The following REDIC1 variants were observed in gnomAD, a reference collection of about 807,000 sequenced individuals.
The protein encoded by REDIC1 is HEI10 Interacting Protein 1.
At chr12:39,816,380 T>A in the REDIC1 span, among the ~76,000 whole-genome samples, 2 of 129,264 alleles carry the variant, frequency 1.5e-5, no homozygotes, top group South Asian at 4.8e-4. Context: ...AATTGAACAA[T>A]GAGAACACTT....
chr12:39,879,056 AG>A, the REDIC1 span, among the ~76,000 whole-genome samples: 1 of 152,288 alleles, frequency 6.6e-6, no homozygotes, highest in Non-Finnish European at 1.5e-5. Context: ...CCACAGCTCC[AG>A]AAGGTGCAAG....
At chr12:39,838,457 A>T in the REDIC1 span, among the ~76,000 whole-genome samples, 2 of 150,390 alleles carry the variant, frequency 1.3e-5, no homozygotes, top group African/African-American at 4.9e-5. Context: ...TAACCTGCAC[A>T]ATGTGCACAT....
chr12:39,697,315 AAGCTGAG>A, the REDIC1 span, among the ~76,000 whole-genome samples: 25 of 152,342 alleles, frequency 1.6e-4, 1 homozygote, highest in East Asian at 2.1e-3. Context: ...AGACAAACAA[AAGCTGAG>A]GGATTATCAA....
the REDIC1 span, among the ~76,000 whole-genome samples, chr12:39,732,961 T>C: frequency 6.6e-6 from 1 of 151,966 alleles, no homozygotes; most frequent in Non-Finnish European, 1.5e-5. Context: ...CTCCAAGAAG[T>C]CTTCATTTTT....
the REDIC1 span, among the ~76,000 whole-genome samples, chr12:39,879,784 A>G: frequency 2.0e-5 from 3 of 152,156 alleles, no homozygotes; most frequent in African/African-American, 7.2e-5. Flanking sequence ...TAAGACTTTG[A>G]GGGACCATTG....
chr12:39,895,026 C>G, the REDIC1 span, among the ~76,000 whole-genome samples: 2 of 152,108 alleles, frequency 1.3e-5, no homozygotes, highest in Non-Finnish European at 2.9e-5. Context: ...AGAATCATAA[C>G]CAACGGCAGT....
chr12:39,743,684 T>TGAA, the REDIC1 span, among the ~76,000 whole-genome samples: 1 of 152,110 alleles, frequency 6.6e-6, no homozygotes, highest in Non-Finnish European at 1.5e-5. Context: ...CTAACAGAAA[T>TGAA]GAAGAATGCC....
the REDIC1 span, among the ~76,000 whole-genome samples, chr12:39,896,587 T>C: frequency 6.6e-6 from 1 of 151,228 alleles, no homozygotes; most frequent in African/African-American, 2.4e-5. Flanking sequence ...TGTGTATATA[T>C]GTATACATAT....
chr12:39,711,811 G>A, the REDIC1 span, among the ~76,000 whole-genome samples: 1 of 83,716 alleles, frequency 1.2e-5, no homozygotes, highest in Admixed American at 1.2e-4. Flanking sequence ...GCATGTGTAT[G>A]TGTGTACACA....
the REDIC1 span, among the ~76,000 whole-genome samples, chr12:39,665,451 T>C: frequency 6.6e-6 from 1 of 150,838 alleles, no homozygotes; most frequent in Non-Finnish European, 1.5e-5. Flanking sequence ...TTGGTACCAG[T>C]ACCATGCTGT....
chr12:39,686,213 T>C, the REDIC1 span, among the ~76,000 whole-genome samples: 1 of 152,182 alleles, frequency 6.6e-6, no homozygotes, highest in East Asian at 1.9e-4. Context: ...CTGTGGGGGC[T>C]CCAATTCCAC....
the REDIC1 span, among the ~76,000 whole-genome samples, chr12:39,654,519 C>T: frequency 2.0e-4 from 31 of 151,348 alleles, no homozygotes; most frequent in African/African-American, 5.1e-4. Flanking sequence ...ACCCGGCAGG[C>T]GGAGCTTGCA....
At chr12:39,759,748 C>A in the REDIC1 span, 1 of 357,420 alleles carries the variant, frequency 2.8e-6, no homozygotes, top group Non-Finnish European at 5.1e-6. Context: ...TCACTGGGTA[C>A]AATATTCATT....
the REDIC1 span, among the ~76,000 whole-genome samples, chr12:39,798,895 A>T: frequency 6.6e-6 from 1 of 151,774 alleles, no homozygotes; most frequent in East Asian, 1.9e-4. Flanking sequence ...TAATTTTATG[A>T]AATAATACAA....
chr12:39,683,119 C>T, the REDIC1 span: 7 of 1,599,574 alleles, frequency 4.4e-6, no homozygotes, highest in Non-Finnish European at 6.0e-6. Flanking sequence ...CGATTACTAC[C>T]CAAGCAGCTC....
the REDIC1 span, chr12:39,643,725 T>G: frequency 8.1e-7 from 1 of 1,232,680 alleles, no homozygotes; most frequent in Non-Finnish European, 1.1e-6. Context: ...TTATTTATAA[T>G]TCTGTCTAAA....
At chr12:39,775,841 T>G in the REDIC1 span, among the ~76,000 whole-genome samples, 4 of 152,340 alleles carry the variant, frequency 2.6e-5, no homozygotes, top group South Asian at 2.1e-4. Context: ...AGACCAGAAG[T>G]GTTTCAGATT....
chr12:39,681,810 A>G, the REDIC1 span, among the ~76,000 whole-genome samples: 1 of 152,190 alleles, frequency 6.6e-6, no homozygotes, highest in African/African-American at 2.4e-5. Flanking sequence ...TTTGATAAAT[A>G]ATTTAAAAAT....
chr12:39,627,289 A>G, the REDIC1 span, among the ~76,000 whole-genome samples: 2 of 152,234 alleles, frequency 1.3e-5, no homozygotes, highest in African/African-American at 4.8e-5. Flanking sequence ...ACTTCTGGCT[A>G]GTGTTCTGGC....
Sources: allele counts gnomAD v4.1 joint callset (sites outside exome capture counted in the v4.1 genomes callset), GRCh38; gene constraint gnomAD v4.1.1; transcripts MANE v1.5; gene names NCBI Gene and HGNC (gene_info 2026-07-23, HGNC 2026-07-21).